Variants in NEK10 observed in about 807,000 individuals in gnomAD.
The protein encoded by NEK10 is serine/threonine-protein kinase Nek10.
NEK10 carries 122 observed loss-of-function variants against 159.8 expected under a neutral mutation model. The observed-to-expected ratio is 0.76, with a 90% CI of 0.66 to 0.89. The LOEUF (loss-of-function observed/expected upper bound fraction) is 0.89, where lower values mean the gene tolerates loss of function less well. Among genes scored for constraint, NEK10 ranks in the 40% least tolerant of loss-of-function variants. NEK10 has a pLI of 0.00. For missense variants in NEK10, 1,342 were observed against 1,323.1 expected, an observed-to-expected ratio of 1.01 and a Z score of -0.22; for synonymous variants, 466 against 457.1, an observed-to-expected ratio of 1.02 and a Z score of -0.25.
chr3:27,181,721 T>C (rs1948124536), intron 26 of NEK10, among the ~76,000 whole-genome samples: 1 of 152,190 alleles, frequency 6.6e-6, no homozygotes, highest in Non-Finnish European at 1.5e-5. Flanking sequence ...GTTTTATTTA[T>C]CTATTATTTG....
chr3:27,254,088 C>T (rs1264848404), intron 23 of NEK10, among the ~76,000 whole-genome samples: 3 of 152,182 alleles, frequency 2.0e-5, no homozygotes, highest in Non-Finnish European at 2.9e-5. Flanking sequence ...AACTCAAAGA[C>T]ATCCTGTACA....
chr3:27,358,979 C>A (rs1054135641), intron 1 of NEK10, among the ~76,000 whole-genome samples: 2 of 152,104 alleles, frequency 1.3e-5, no homozygotes, highest in Non-Finnish European at 2.9e-5. Context: ...CCAAGGCAGG[C>A]AGATCACCCG....
chr3:27,360,726 C>G (rs933188308), intron 1 of NEK10, among the ~76,000 whole-genome samples: 2 of 152,184 alleles, frequency 1.3e-5, no homozygotes, highest in Non-Finnish European at 2.9e-5. Context: ...TCCTGGTTCA[C>G]TCATGTGAAA....
intron 23 of NEK10, among the ~76,000 whole-genome samples, chr3:27,241,887 T>C (rs1460503547): frequency 2.6e-5 from 4 of 152,290 alleles, no homozygotes; most frequent in Middle Eastern, 3.4e-3. Context: ...CATCTCTTAT[T>C]CTAAGTATTG....
At chr3:27,191,919 G>A (rs765813289) in intron 26 of NEK10, 110 bp downstream of exon 26, 1 of 808,632 alleles carries the variant, frequency 1.2e-6, no homozygotes. Flanking sequence ...CTGCAATATT[G>A]CATGTAACTA....
intron 23 of NEK10, among the ~76,000 whole-genome samples, chr3:27,209,346 T>C (rs1950801183): frequency 6.6e-6 from 1 of 152,218 alleles, no homozygotes; most frequent in Admixed American, 6.5e-5. Context: ...AAAAGAGCTA[T>C]TTAAACACTA....
chr3:27,256,912 C>CTTTTTTTTTTTTTTT (rs550014186), intron 22 of NEK10, among the ~76,000 whole-genome samples: 3 of 125,120 alleles, frequency 2.4e-5, no homozygotes, highest in Non-Finnish European at 3.3e-5. Flanking sequence ...TTTTTTCTCT[C>CTTTTTTTTTTTTTTT]TTTTTTTTTT....
At chr3:27,173,984 TA>T (rs961533954) in intron 28 of NEK10, among the ~76,000 whole-genome samples, 4 of 152,280 alleles carry the variant, frequency 2.6e-5, no homozygotes, top group Admixed American at 1.3e-4. Context: ...TTAATAACTC[TA>T]AAAAAATTTC....
chr3:27,115,888 T>C, intron 35 of NEK10, 52 bp downstream of exon 35: 1 of 1,282,136 alleles, frequency 7.8e-7, no homozygotes, highest in Non-Finnish European at 1.1e-6. Context: ...AGATCTAACA[T>C]CTGATGACCT....
chr3:27,120,140 T>C (rs1384968284), intron 32 of NEK10, among the ~76,000 whole-genome samples: 1 of 151,916 alleles, frequency 6.6e-6, no homozygotes, highest in East Asian at 1.9e-4. Context: ...AAAAGAAAAA[T>C]GAATATAAAA....
rs1204392714 is a variant in NEK10 at position 27,291,484 on chromosome 3, C to T, written c.1476G>A (p.Val492=). 1.2e-6 allele frequency: 2 copies of T among 1,604,484 alleles called. No individual in the cohort carries two copies. The highest frequency in any genetic ancestry group is 2.2e-5 in the South Asian group (2 of 90,882). Residue 492 remains valine (V), a splice_region_variant and synonymous_variant, in exon 17 of 36, where the codon GTG becomes GTA. Coordinates refer to ENST00000691995, the MANE Select transcript of NEK10 (RefSeq NM_001394966.1). ...EELVSKLNLL[V]EDELKQIAEN... Reference sequence around the variant, plus strand: ...AAAATATTGAAAACTCAGGACTTACCACTAATAAATTCAGCTTGGATACCA... The same window carrying T: ...AAAATATTGAAAACTCAGGACTTACTACTAATAAATTCAGCTTGGATACCA...
intron 30 of NEK10, among the ~76,000 whole-genome samples, chr3:27,148,957 C>A (rs1304535922): frequency 6.6e-6 from 1 of 152,068 alleles, no homozygotes; most frequent in Non-Finnish European, 1.5e-5. Context: ...ATCTACATCT[C>A]CAAGAAGCAT....
At chr3:27,136,292 T>G (rs988277954) in intron 31 of NEK10, among the ~76,000 whole-genome samples, 4 of 150,990 alleles carry the variant, frequency 2.6e-5, no homozygotes, top group Admixed American at 6.6e-5. Context: ...TTTTCTATTT[T>G]TAGTAGAGAC....
chr3:27,203,856 A>G (rs1421664462), intron 23 of NEK10, among the ~76,000 whole-genome samples: 1 of 152,220 alleles, frequency 6.6e-6, no homozygotes, highest in Non-Finnish European at 1.5e-5. Flanking sequence ...TTCTAGGTCT[A>G]TCAGTTAAGC....
intron 26 of NEK10, among the ~76,000 whole-genome samples, chr3:27,191,632 G>A (rs1482126812): frequency 1.3e-5 from 2 of 152,134 alleles, no homozygotes; most frequent in African/African-American, 2.4e-5. Flanking sequence ...AGTACAATAC[G>A]AAAAATTTTA....
intron 29 of NEK10, among the ~76,000 whole-genome samples, chr3:27,168,267 A>G (rs1480399471): frequency 3.3e-5 from 5 of 151,886 alleles, no homozygotes; most frequent in Admixed American, 2.6e-4. Flanking sequence ...AAAAAAAAAA[A>G]AGAAAAAGAA....
At chr3:27,351,069 A>G (rs953708802) in intron 3 of NEK10, among the ~76,000 whole-genome samples, 1 of 152,172 alleles carries the variant, frequency 6.6e-6, no homozygotes, top group Non-Finnish European at 1.5e-5. Context: ...AGGAGAAAAT[A>G]ATGCCACAGC....
intron 13 of NEK10, among the ~76,000 whole-genome samples, chr3:27,297,558 C>G (rs540937689): frequency 6.6e-6 from 1 of 152,188 alleles, no homozygotes; most frequent in African/African-American, 2.4e-5. Context: ...CCAAAACATG[C>G]CTGGCACTTA....
intron 29 of NEK10, among the ~76,000 whole-genome samples, chr3:27,168,105 T>C (rs1559543522): frequency 6.6e-6 from 1 of 152,208 alleles, no homozygotes; most frequent in Non-Finnish European, 1.5e-5. Flanking sequence ...CTGACTTCTA[T>C]ATTTTGGAGG....
Sources: allele counts gnomAD v4.1 joint callset (sites outside exome capture counted in the v4.1 genomes callset), GRCh38; gene constraint gnomAD v4.1.1; transcripts MANE v1.5; gene names NCBI Gene and HGNC (gene_info 2026-07-23, HGNC 2026-07-21).